The following CEMIP2 variants were observed in gnomAD, a reference collection of about 807,000 sequenced individuals.
CEMIP2 encodes the protein cell migration inducing hyaluronidase 2, also known as cell surface hyaluronidase CEMIP2.
A neutral mutation model predicts 146.9 loss-of-function variants in CEMIP2; 79 were observed. That is an observed-to-expected ratio of 0.54 (90% CI 0.45 to 0.65). CEMIP2 has a LOEUF of 0.65. Among genes scored for constraint, CEMIP2 ranks in the 30% least tolerant of loss-of-function variants. CEMIP2 has a pLI of 0.00. For synonymous variants in CEMIP2, 601 were observed against 606.3 expected (o/e 0.99, Z 0.13); for missense variants, 1,596 against 1,696.2 (o/e 0.94, Z 1.04).
chr9:71,694,184 G>A (rs746273018), intron 21 of CEMIP2, among the ~76,000 whole-genome samples: 1 of 151,656 alleles, frequency 6.6e-6, no homozygotes, highest in East Asian at 1.9e-4. Flanking sequence ...GTGCAGTGGC[G>A]CGATCTCAGC....
rs1037438500 is a variant in CEMIP2 at position 71,732,446 on chromosome 9, G to A, written c.1468C>T (p.Arg490Trp). The A allele has an allele frequency of 1.8e-5, 29 of 1,613,864 alleles. No individual in the cohort carries two copies. Among genetic ancestry groups the A allele is most frequent in the Non-Finnish European group, 2.3e-5 (27 of 1,179,970 alleles). ...ACTTCTCCTTGGATCACAATATTCC[G>A]GGTAAGAATTCCAACCTCAGCTCTC... ...DMRAEVGILT[R>W]NIVIQGEVED... The change falls in exon 7 of 24, where the codon CGG becomes TGG. Residue 490 changes from arginine to tryptophan, a missense_variant. Coordinates refer to ENST00000377044, the MANE Select transcript of CEMIP2 (RefSeq NM_013390.3).
chr9:71,717,559 T>C (rs1315539591), intron 13 of CEMIP2, among the ~76,000 whole-genome samples: 4 of 152,200 alleles, frequency 2.6e-5, no homozygotes, highest in African/African-American at 7.2e-5. Flanking sequence ...GTTGGAATTA[T>C]AAAGCTTTTA....
Position 71,685,064 on chromosome 9 carries a change from C to T in CEMIP2, c.*133G>A. On this transcript the variant is annotated 3_prime_UTR_variant, in exon 24 of 24. Coordinates refer to ENST00000377044, the MANE Select transcript of CEMIP2 (RefSeq NM_013390.3). ...GGTATCCAAGCAATAATTTCAAACGCTTTCTTTTCTCCCCATTCTGTATCA... is the reference window on the plus strand; with the variant it reads ...GGTATCCAAGCAATAATTTCAAACGTTTTCTTTTCTCCCCATTCTGTATCA... The T allele has an allele frequency of 2.5e-6, 2 of 812,474 alleles. No homozygotes were observed. Among genetic ancestry groups the T allele is most frequent in the Non-Finnish European group, 3.6e-6 (2 of 549,830 alleles). The allele number at this position is 812,474 out of a possible 1,614,324, so 50.3% of individuals were successfully genotyped here. A position where few individuals can be genotyped will look rare whatever the true frequency, so the allele number is the denominator to read the frequency against.
intron 7 of CEMIP2, 71 bp from the exon 8 acceptor site, chr9:71,730,985 G>A (rs546353511): frequency 1.2e-5 from 15 of 1,244,986 alleles, no homozygotes; most frequent in Non-Finnish European, 1.4e-5. Context: ...TATTGTTCTA[G>A]TAGAAAACAT....
At chr9:71,727,679 T>C (rs1463018550) in intron 10 of CEMIP2, among the ~76,000 whole-genome samples, 1 of 152,230 alleles carries the variant, frequency 6.6e-6, no homozygotes, top group Non-Finnish European at 1.5e-5. Flanking sequence ...GATGTATAAA[T>C]ATGAATATTT....
chr9:71,703,662 C>T (rs1435644541), intron 18 of CEMIP2, among the ~76,000 whole-genome samples: 1 of 152,150 alleles, frequency 6.6e-6, no homozygotes, highest in African/African-American at 2.4e-5. Flanking sequence ...TGATAAGATA[C>T]ATGTGGTTTA....
chr9:71,699,981 A>T (rs1287128442), intron 19 of CEMIP2, among the ~76,000 whole-genome samples: 1 of 152,156 alleles, frequency 6.6e-6, no homozygotes, highest in Non-Finnish European at 1.5e-5. Context: ...TCTTCTTTCC[A>T]TTGGTATCTT....
intron 20 of CEMIP2, among the ~76,000 whole-genome samples, chr9:71,697,654 A>T (rs1463885888): frequency 6.6e-6 from 1 of 152,240 alleles, no homozygotes; most frequent in East Asian, 1.9e-4. Flanking sequence ...CATCACTGGC[A>T]TGTAAATCCA....
rs576678804 is a variant in CEMIP2 at position 71,732,596 on chromosome 9, C to G, written c.1394-76G>C. On this transcript the variant is annotated intron_variant, in intron 6 of 23. Coordinates refer to ENST00000377044, the MANE Select transcript of CEMIP2 (RefSeq NM_013390.3). Reference sequence around the variant, plus strand: ...GAAACTCACTTCAAAAAGACATTCTCTTCATTCCATAACCCCAAGATGATC... The same window carrying G: ...GAAACTCACTTCAAAAAGACATTCTGTTCATTCCATAACCCCAAGATGATC... 3.7e-6 allele frequency: 5 copies of G among 1,349,026 alleles called. No homozygotes were observed. In the African/African-American group the frequency reaches 7.5e-5, roughly 20 times the overall value. 83.6% of individuals were successfully genotyped at this position (1,349,026 alleles called of 1,614,324 possible). A position where few individuals can be genotyped will look rare whatever the true frequency, so the allele number is the denominator to read the frequency against.
chr9:71,698,154 T>C lies in CEMIP2; in HGVS notation c.3428A>G (p.Tyr1143Cys). ...KAKSHRHGHS[Y>C]CSSQGCERVK... Reference sequence around the variant, plus strand: ...TCTTTCACATCCCTGAGATGAACAGTAACTGTGGCCATGCCTGTGGCTTTT... The same window carrying C: ...TCTTTCACATCCCTGAGATGAACAGCAACTGTGGCCATGCCTGTGGCTTTT... The change falls in exon 20 of 24, where the codon TAC becomes TGC. Residue 1143 changes from tyrosine (Y) to cysteine (C), a missense_variant. By Grantham distance (194) the Tyr-to-Cys change is radical (BLOSUM62 -2). Transcript: ENST00000377044. The C allele has an allele frequency of 6.2e-7, 1 of 1,614,140 alleles. No homozygotes were observed. Among genetic ancestry groups the C allele is most frequent in the South Asian group, 1.1e-5 (1 of 91,080 alleles).
Position 71,700,705 on chromosome 9 carries a change from T to C in CEMIP2, c.3314A>G (p.His1105Arg). The change falls in exon 19 of 24, where the codon CAT becomes CGT. Residue 1105 changes from histidine to arginine, a missense_variant. Transcript: ENST00000377044. Reference protein sequence around the residue: ...LSKIEEYEPVHSLEELQRKQS... With the variant: ...LSKIEEYEPVRSLEELQRKQS... Reference sequence around the variant, plus strand: ...CTTTCTTTGCAGTTCTTCCAGTGAATGCACAGGCTCATATTCTTCGATTTT... The same window carrying C: ...CTTTCTTTGCAGTTCTTCCAGTGAACGCACAGGCTCATATTCTTCGATTTT... The C allele has an allele frequency of 6.2e-7, 1 of 1,613,208 alleles. No homozygotes were observed.
chr9:71,716,450 C>CAGA (rs1320926446), intron 14 of CEMIP2, 67 bp downstream of exon 14: 2 of 1,288,148 alleles, frequency 1.6e-6, no homozygotes, highest in Non-Finnish European at 2.2e-6. Context: ...TGTGTATTAT[C>CAGA]AGAAAAAAAA....
chr9:71,699,287 A>AGTT (rs1226160386), intron 19 of CEMIP2: 11 of 296,880 alleles, frequency 3.7e-5, no homozygotes, highest in Admixed American at 7.6e-5. Context: ...TAGTTGTTTA[A>AGTT]GTCTAAACAA....
rs138011062 is a variant in CEMIP2, at chr9:71,734,518, T to C, written c.1393+288A>G. On this transcript the variant is annotated intron_variant, in intron 6 of 23. Coordinates refer to ENST00000377044, the MANE Select transcript of CEMIP2 (RefSeq NM_013390.3). Reference sequence around the variant, plus strand: ...ACATGTAACCCAGAACTTAAAATAATAGAAAAGACCTTGGAAAATCAATTT... The same window carrying C: ...ACATGTAACCCAGAACTTAAAATAACAGAAAAGACCTTGGAAAATCAATTT... Among the ~76,000 whole-genome samples the C allele has an allele frequency of 1.4e-3, 214 of 152,266 alleles. 1 individual carries two copies. The highest frequency in any genetic ancestry group is 3.4e-3 in the Middle Eastern group (1 of 294).
intron 5 of CEMIP2, among the ~76,000 whole-genome samples, chr9:71,739,277 G>GA: frequency 7.2e-6 from 1 of 138,654 alleles, no homozygotes; most frequent in East Asian, 2.4e-4. Context: ...CTGAGGCAGA[G>GA]AATTGCTTGA....
At position 71,745,395 on chromosome 9, in the gene CEMIP2, T is replaced by C. The variant is rs1476346834; in HGVS notation, c.657A>G (p.Lys219=). ...CGCCAGCTTCCACACCAATAAACTTTTTGCCAAATGTTGGCATACTTTCAC... is the reference window on the plus strand; with the variant it reads ...CGCCAGCTTCCACACCAATAAACTTCTTGCCAAATGTTGGCATACTTTCAC... The part of the protein sequence containing the change: ...DEGESMPTFG[K]KFIGVEAGGT... Residue 219 remains lysine (K), a synonymous_variant, in exon 4 of 24, where the codon AAA becomes AAG. Transcript: ENST00000377044. The C allele has an allele frequency of 6.2e-7, 1 of 1,614,016 alleles. No individual in the cohort carries two copies. The highest frequency in any genetic ancestry group is 1.7e-5 in the Admixed American group (1 of 60,000).
Position 71,745,535 on chromosome 9 carries a change from T to C in CEMIP2, c.517A>G (p.Thr173Ala). The C allele has an allele frequency of 6.2e-7, 1 of 1,612,678 alleles. No individual in the cohort carries two copies. The highest frequency in any genetic ancestry group is 8.5e-7 in the Non-Finnish European group (1 of 1,179,784). Reference protein sequence around the residue: ...GDNKDGSRNITLRTHYILIQD... With the variant: ...GDNKDGSRNIALRTHYILIQD... ...ATCAGGATGTAATGAGTCCTCAAAGTAATATTTCTGGATCCATCTTTATTG... is the reference window on the plus strand; with the variant it reads ...ATCAGGATGTAATGAGTCCTCAAAGCAATATTTCTGGATCCATCTTTATTG... Residue 173 changes from threonine (T) to alanine (A), a missense_variant, in exon 4 of 24, where the codon ACT (threonine) becomes GCT (alanine). Coordinates refer to ENST00000377044, the MANE Select transcript of CEMIP2 (RefSeq NM_013390.3).
intron 4 of CEMIP2, among the ~76,000 whole-genome samples, chr9:71,743,975 A>G (rs750192652): frequency 3.9e-5 from 6 of 152,170 alleles, no homozygotes; most frequent in Non-Finnish European, 8.8e-5. Flanking sequence ...TGACTTTACT[A>G]AAAGCATTCA....
chr9:71,703,259 T>C (rs1005499026), intron 18 of CEMIP2, among the ~76,000 whole-genome samples: 1 of 152,078 alleles, frequency 6.6e-6, no homozygotes, highest in African/African-American at 2.4e-5. Flanking sequence ...ACGGATAAGA[T>C]GGAGTGATGA....
Sources: allele counts gnomAD v4.1 joint callset (sites outside exome capture counted in the v4.1 genomes callset), GRCh38; gene constraint gnomAD v4.1.1; transcripts MANE v1.5; gene names NCBI Gene and HGNC (gene_info 2026-07-23, HGNC 2026-07-21).